Variants in PDE4B observed in about 807,000 individuals in gnomAD.
PDE4B encodes the protein 3',5'-cyclic-AMP phosphodiesterase 4B.
In PDE4B, 20 loss-of-function variants were observed where a neutral mutation model predicts 82.2. The observed-to-expected ratio is 0.24, with a 90% CI of 0.17 to 0.35. The LOEUF (loss-of-function observed/expected upper bound fraction) is 0.35. Ranked by LOEUF, PDE4B falls within the 10% of genes least tolerant of loss-of-function variation. The pLI, the probability that PDE4B is intolerant of heterozygous loss-of-function variation, is 1.00. For missense variants in PDE4B, 655 were observed against 907.2 expected (o/e 0.72, Z 3.57); for synonymous variants, 320 against 318.9 (o/e 1.00, Z -0.04).
intron 1 of PDE4B, among the ~76,000 whole-genome samples, chr1:65,882,144 G>A (rs1166565790): frequency 6.6e-6 from 1 of 152,200 alleles, no homozygotes; most frequent in Admixed American, 6.5e-5. Flanking sequence ...TTTTATATGG[G>A]TTTTTGGCAG....
At chr1:66,366,042 G>A (rs1486333823) in intron 13 of PDE4B, among the ~76,000 whole-genome samples, 2 of 152,022 alleles carry the variant, frequency 1.3e-5, no homozygotes, top group Non-Finnish European at 2.9e-5. Flanking sequence ...AATAGATATG[G>A]AATTATTCAT....
rs150097525 is a variant in PDE4B, at chr1:66,178,477, T to C, written c.282-68983T>C. Among the ~76,000 whole-genome samples the C allele has an allele frequency of 2.7e-3, 407 of 152,314 alleles. 3 individuals are homozygous for C. The Middle Eastern group carries it at 0.041, about 15-fold the overall frequency. ...TAATTACTGATTTCTTGATTGCTAATGGCAGTGATTTTAATTTTTAAGTTG... is the reference window on the plus strand; with the variant it reads ...TAATTACTGATTTCTTGATTGCTAACGGCAGTGATTTTAATTTTTAAGTTG... On this transcript the variant is annotated intron_variant, in intron 3 of 16. Coordinates refer to ENST00000341517, the MANE Select transcript of PDE4B (RefSeq NM_002600.4).
chr1:66,082,027 A>G (rs1487632070), intron 3 of PDE4B, among the ~76,000 whole-genome samples: 1 of 152,110 alleles, frequency 6.6e-6, no homozygotes, highest in Non-Finnish European at 1.5e-5. Flanking sequence ...ATACAGTCTT[A>G]TAATACAAAA....
chr1:65,808,169 CTTTTTTTTT>C (rs920861530), intron 1 of PDE4B, among the ~76,000 whole-genome samples: 4 of 128,992 alleles, frequency 3.1e-5, no homozygotes, highest in Non-Finnish European at 6.7e-5. Context: ...TAGACAAACA[CTTTTTTTTT>C]TTTTTTTTTT....
intron 3 of PDE4B, among the ~76,000 whole-genome samples, chr1:65,967,166 A>G (rs1649878693): frequency 6.6e-6 from 1 of 152,228 alleles, no homozygotes; most frequent in Admixed American, 6.5e-5. Context: ...TCCAGAATCT[A>G]CAAAGAACTT....
intron 1 of PDE4B, among the ~76,000 whole-genome samples, chr1:65,879,425 C>T (rs1646685683): frequency 6.6e-6 from 1 of 151,686 alleles, no homozygotes; most frequent in African/African-American, 2.4e-5. Context: ...AATAAACAGA[C>T]CAGTAGAAGA....
At chr1:66,338,820 C>A (rs1188764745) in intron 8 of PDE4B, among the ~76,000 whole-genome samples, 2 of 151,930 alleles carry the variant, frequency 1.3e-5, no homozygotes, top group African/African-American at 4.8e-5. Flanking sequence ...ATATCGAGAC[C>A]ATCCCGGCTA....
At chr1:65,814,729 T>C (rs1282897815) in intron 1 of PDE4B, among the ~76,000 whole-genome samples, 1 of 152,142 alleles carries the variant, frequency 6.6e-6, no homozygotes, top group African/African-American at 2.4e-5. Context: ...TTTCTGTCAC[T>C]CAAAGGATGC....
intron 3 of PDE4B, among the ~76,000 whole-genome samples, chr1:66,081,538 A>G (rs372775082): frequency 1.2e-4 from 18 of 152,170 alleles, no homozygotes; most frequent in East Asian, 7.7e-4. Flanking sequence ...TAATTTCTCA[A>G]GTAGAATAAA....
intron 3 of PDE4B, among the ~76,000 whole-genome samples, chr1:66,229,382 G>A (rs1423795795): frequency 6.6e-6 from 1 of 152,202 alleles, no homozygotes; most frequent in African/African-American, 2.4e-5. Flanking sequence ...AGGCAGAGCA[G>A]GACATAAAGA....
chr1:66,249,066 T>C (rs540036249), intron 4 of PDE4B, among the ~76,000 whole-genome samples: 5 of 152,304 alleles, frequency 3.3e-5, no homozygotes, highest in South Asian at 4.1e-4. Flanking sequence ...CAAAGTGGCA[T>C]CTCTACCACT....
At chr1:65,824,395 G>C (rs17128024) in intron 1 of PDE4B, among the ~76,000 whole-genome samples, 14,859 of 151,924 alleles carry the variant, frequency 0.098, 837 homozygotes, top group South Asian at 0.14. Context: ...ATTTTAGTGT[G>C]AGTATGCTTA....
At chr1:66,255,282 T>C (rs955464013) in intron 4 of PDE4B, among the ~76,000 whole-genome samples, 14 of 152,048 alleles carry the variant, frequency 9.2e-5, no homozygotes, top group Non-Finnish European at 2.1e-4. Flanking sequence ...GAGACAGGGT[T>C]CCTCCATGTT....
At chr1:66,180,503 T>G (rs583018) in intron 3 of PDE4B, among the ~76,000 whole-genome samples, 78,162 of 151,920 alleles carry the variant, frequency 0.51, 21,129 homozygotes, top group African/African-American at 0.7. Flanking sequence ...AAAGCTCAAG[T>G]CAGGGAACTG....
At chr1:66,106,037 T>G (rs1450352637) in intron 3 of PDE4B, among the ~76,000 whole-genome samples, 1 of 151,816 alleles carries the variant, frequency 6.6e-6, no homozygotes, top group East Asian at 1.9e-4. Context: ...AGGGAATGCT[T>G]CCAGTTTGTG....
At chr1:65,892,731 T>C (rs1646865846) in intron 1 of PDE4B, among the ~76,000 whole-genome samples, 1 of 152,046 alleles carries the variant, frequency 6.6e-6, no homozygotes, top group Admixed American at 6.6e-5. Flanking sequence ...AATAGACTTA[T>C]TCAAGTAATC....
rs186075776 is a variant in PDE4B at position 65,991,551 on chromosome 1, C to T, written c.281+72716C>T. ...CAAACTTATTTGAGATCAGGCTGGC[C>T]CTTGTGACAATCATTGCCGGTATAG... On this transcript the variant is annotated intron_variant, in intron 3 of 16. Transcript: ENST00000341517. Among the ~76,000 whole-genome samples, 94 of 152,158 alleles carry T rather than the reference C, an allele frequency of 6.2e-4. 1 individual carries two copies. Among genetic ancestry groups the T allele is most frequent in the African/African-American group, 2.0e-3 (83 of 41,520 alleles).
chr1:66,330,942 AGTGG>A, intron 7 of PDE4B: 1 of 234,300 alleles, frequency 4.3e-6, no homozygotes, highest in Non-Finnish European at 7.0e-6. Context: ...AGTTACCTCC[AGTGG>A]TTTTGTGGCT....
chr1:66,036,550 T>G (rs924517283), intron 3 of PDE4B, among the ~76,000 whole-genome samples: 7 of 152,192 alleles, frequency 4.6e-5, no homozygotes, highest in Non-Finnish European at 1.0e-4. Flanking sequence ...ACTTCTGTTT[T>G]CTCAACAGCA....
Sources: gnomAD v4.1 joint callset for allele counts (sites outside exome capture counted in the v4.1 genomes callset) on GRCh38, gnomAD v4.1.1 for gene constraint, MANE v1.5 for transcripts, NCBI Gene and HGNC (gene_info 2026-07-23, HGNC 2026-07-21) for gene names.